ALDH1A2: variants seen among roughly 807,000 people sequenced by gnomAD.
The protein encoded by ALDH1A2 is aldehyde dehydrogenase 1 family member A2.
In ALDH1A2, 27 loss-of-function variants were observed where a neutral mutation model predicts 60.3. The ratio of observed to expected loss-of-function variants is 0.45; its 90% CI spans 0.33 to 0.62. ALDH1A2 has a LOEUF of 0.62. Among genes scored for constraint, ALDH1A2 ranks in the 20% least tolerant of loss-of-function variants. The probability of loss-of-function intolerance (pLI) is 0.02; values close to 1 mark genes in which losing one functional copy is unlikely to be tolerated. For synonymous variants in ALDH1A2, 289 were observed against 232.4 expected, an observed-to-expected ratio of 1.24 and a Z score of -2.21; for missense variants, 581 against 643.8, an observed-to-expected ratio of 0.90 and a Z score of 1.06.
intron 3 of ALDH1A2, among the ~76,000 whole-genome samples, chr15:58,013,170 G>A (rs1895686263): frequency 6.6e-6 from 1 of 152,130 alleles, no homozygotes; most frequent in African/African-American, 2.4e-5. Context: ...GTGTATGAGA[G>A]GTCCGTACCA....
At chr15:58,060,213 G>A (rs1023486760) in intron 1 of ALDH1A2, among the ~76,000 whole-genome samples, 23 of 152,126 alleles carry the variant, frequency 1.5e-4, no homozygotes, top group African/African-American at 5.1e-4. Context: ...GAGCCACTGC[G>A]CCTGGCCAGT....
chr15:58,053,805 C>G (rs1896832973), intron 1 of ALDH1A2, among the ~76,000 whole-genome samples: 1 of 152,148 alleles, frequency 6.6e-6, no homozygotes, highest in African/African-American at 2.4e-5. Flanking sequence ...ACAACTACCA[C>G]CCAGGCTTTA....
At chr15:57,982,165 C>T (rs1191636411) in intron 7 of ALDH1A2, among the ~76,000 whole-genome samples, 5 of 152,218 alleles carry the variant, frequency 3.3e-5, no homozygotes, top group African/African-American at 1.2e-4. Flanking sequence ...CACACTCTTT[C>T]TGGGGAACAC....
chr15:58,025,704 T>C (rs975891787), intron 1 of ALDH1A2, among the ~76,000 whole-genome samples: 3 of 152,246 alleles, frequency 2.0e-5, no homozygotes, highest in Non-Finnish European at 4.4e-5. Flanking sequence ...AGAATTTATC[T>C]TGGCTTATGA....
chr15:57,967,047 G>C (rs1051642440), intron 7 of ALDH1A2, among the ~76,000 whole-genome samples: 4 of 152,188 alleles, frequency 2.6e-5, no homozygotes, highest in Non-Finnish European at 5.9e-5. Flanking sequence ...CGGGGGAAGA[G>C]AAACGCTACA....
chr15:57,967,536 G>A (rs894447943), intron 7 of ALDH1A2, among the ~76,000 whole-genome samples: 1 of 152,084 alleles, frequency 6.6e-6, no homozygotes, highest in Non-Finnish European at 1.5e-5. Context: ...AAACACCGGG[G>A]AAACTCCAAC....
chr15:57,958,600 G>A (rs912439685), intron 12 of ALDH1A2, among the ~76,000 whole-genome samples: 12 of 152,258 alleles, frequency 7.9e-5, no homozygotes, highest in Non-Finnish European at 1.0e-4. Context: ...CTCCTCTTAG[G>A]GATAGACAGG....
intron 1 of ALDH1A2, among the ~76,000 whole-genome samples, chr15:58,020,623 T>C (rs1595671532): frequency 6.6e-6 from 1 of 152,260 alleles, no homozygotes; most frequent in Non-Finnish European, 1.5e-5. Flanking sequence ...TTCTTCCTAA[T>C]CCCGTCCTCC....
chr15:57,953,831 T>G lies in ALDH1A2; in HGVS notation c.*1366A>C, dbSNP rs1061278. 1 of 152,188 alleles carries G rather than the reference T, an allele frequency of 6.6e-6. No homozygotes were observed. The highest frequency in any genetic ancestry group is 2.4e-5 in the African/African-American group (1 of 41,358). 9.4% of individuals were successfully genotyped at this position (152,188 alleles called of 1,614,324 possible). ...GTACTTTTAAATAAATGATCTGCAT[T>G]TAGGTTAGAGACTGGATTGGATTTG... On this transcript the variant is annotated 3_prime_UTR_variant, in exon 13 of 13. Transcript: ENST00000249750.
At chr15:58,043,299 T>C (rs1264208739) in intron 1 of ALDH1A2, among the ~76,000 whole-genome samples, 1 of 151,994 alleles carries the variant, frequency 6.6e-6, no homozygotes, top group Non-Finnish European at 1.5e-5. Context: ...CTACTATCAA[T>C]CTAATGGAAG....
At chr15:58,032,411 G>A (rs546128797) in intron 1 of ALDH1A2, among the ~76,000 whole-genome samples, 3 of 152,100 alleles carry the variant, frequency 2.0e-5, no homozygotes, top group South Asian at 2.1e-4. Flanking sequence ...TGTTAAATGA[G>A]TAGTTAATGG....
At chr15:57,983,793 A>C (rs182492732) in intron 7 of ALDH1A2, among the ~76,000 whole-genome samples, 6 of 152,288 alleles carry the variant, frequency 3.9e-5, no homozygotes, top group Non-Finnish European at 7.4e-5. Context: ...ATCACATAAA[A>C]CACCACCTTT....
intron 1 of ALDH1A2, among the ~76,000 whole-genome samples, chr15:58,056,659 T>G (rs140715413): frequency 2.2e-4 from 34 of 152,180 alleles, no homozygotes; most frequent in Admixed American, 1.2e-3. Flanking sequence ...AAATAACTGA[T>G]AAAAATTATA....
Position 57,995,123 on chromosome 15 carries a change from G to A in ALDH1A2, c.510C>T (p.Thr170=). The A allele has an allele frequency of 5.7e-6, 9 of 1,586,728 alleles. No individual in the cohort carries two copies. Among genetic ancestry groups the A allele is most frequent in the Non-Finnish European group, 7.7e-6 (9 of 1,164,566 alleles). The part of the protein sequence containing the change: ...MTIPVDGDYF[T]FTRHEPIGVC... Reference sequence around the variant, plus strand: ...CTCCAATGGGTTCATGTCTTGTAAAGGTAAAATAGTCTCCATCTGAAAGAA... The same window carrying A: ...CTCCAATGGGTTCATGTCTTGTAAAAGTAAAATAGTCTCCATCTGAAAGAA... Residue 170 remains threonine, a synonymous_variant, in exon 5 of 13, where the codon ACC becomes ACT. Transcript: ENST00000249750.
At chr15:57,969,945 T>A (rs1367564924) in intron 7 of ALDH1A2, among the ~76,000 whole-genome samples, 1 of 152,194 alleles carries the variant, frequency 6.6e-6, no homozygotes. Flanking sequence ...TTCTAATGAA[T>A]CTTCAATTTG....
At chr15:58,013,345 G>A (rs942839933) in intron 3 of ALDH1A2, among the ~76,000 whole-genome samples, 2 of 152,096 alleles carry the variant, frequency 1.3e-5, no homozygotes, top group African/African-American at 4.8e-5. Context: ...CATGGGGAGG[G>A]GGAGTTTTAG....
chr15:57,968,418 A>C (rs1247389821), intron 7 of ALDH1A2, among the ~76,000 whole-genome samples: 1 of 152,166 alleles, frequency 6.6e-6, no homozygotes, highest in Non-Finnish European at 1.5e-5. Flanking sequence ...CTGCAGGCTG[A>C]TGCCAGAGCC....
intron 7 of ALDH1A2, among the ~76,000 whole-genome samples, chr15:57,966,784 G>T (rs1893909622): frequency 6.6e-6 from 1 of 152,164 alleles, no homozygotes. Context: ...CTGTGTTGCA[G>T]TTCCACTTCC....
At chr15:58,007,411 C>T (rs1295993463) in intron 4 of ALDH1A2, among the ~76,000 whole-genome samples, 1 of 151,972 alleles carries the variant, frequency 6.6e-6, no homozygotes, top group Non-Finnish European at 1.5e-5. Flanking sequence ...GGCCACCTTC[C>T]TGCCTTGCTG....
Sources: allele counts gnomAD v4.1 joint callset (sites outside exome capture counted in the v4.1 genomes callset), GRCh38; gene constraint gnomAD v4.1.1; transcripts MANE v1.5; gene names NCBI Gene and HGNC (gene_info 2026-07-23, HGNC 2026-07-21).